LRP1B: variants seen among roughly 807,000 people sequenced by gnomAD.
LRP1B encodes the protein low-density lipoprotein receptor-related protein 1B.
Under a neutral mutation model 556.6 loss-of-function variants are expected in LRP1B, and 217 were observed. The ratio of observed to expected loss-of-function variants is 0.39; its 90% CI spans 0.35 to 0.44. LRP1B has a LOEUF of 0.44. Ranked by LOEUF, LRP1B falls within the 20% of genes least tolerant of loss-of-function variation. The probability of loss-of-function intolerance (pLI) is 1.00; values close to 1 mark genes in which losing one functional copy is unlikely to be tolerated. For synonymous variants in LRP1B, 2,047 were observed against 1,865.8 expected, an observed-to-expected ratio of 1.10 and a Z score of -2.50; for missense variants, 5,053 against 5,620.8, an observed-to-expected ratio of 0.90 and a Z score of 3.23.
intron 32 of LRP1B, among the ~76,000 whole-genome samples, chr2:140,794,173 G>A (rs1690217699): frequency 6.6e-6 from 1 of 151,998 alleles, no homozygotes; most frequent in Non-Finnish European, 1.5e-5. Flanking sequence ...TTTAAAAATT[G>A]TTTTAAAGAT....
At chr2:141,647,324 G>A (rs1224952057) in intron 2 of LRP1B, among the ~76,000 whole-genome samples, 1 of 152,132 alleles carries the variant, frequency 6.6e-6, no homozygotes, top group Non-Finnish European at 1.5e-5. Flanking sequence ...AGCAACCTTG[G>A]AAGCCAAGTG....
At chr2:141,305,034 T>C (rs1286371144) in intron 3 of LRP1B, among the ~76,000 whole-genome samples, 1 of 152,222 alleles carries the variant, frequency 6.6e-6, no homozygotes. Flanking sequence ...CCTACATTTT[T>C]GTTCTTTTTG....
At chr2:141,158,027 T>C (rs1025706481) in intron 7 of LRP1B, among the ~76,000 whole-genome samples, 1 of 152,190 alleles carries the variant, frequency 6.6e-6, no homozygotes, top group Non-Finnish European at 1.5e-5. Context: ...AAAGGTTTTT[T>C]AATGTGTTTA....
chr2:140,695,896 C>G (rs894626813), intron 41 of LRP1B, among the ~76,000 whole-genome samples: 1 of 152,106 alleles, frequency 6.6e-6, no homozygotes, highest in African/African-American at 2.4e-5. Flanking sequence ...TCTTTTAAAC[C>G]TGAGGCCAAA....
intron 3 of LRP1B, among the ~76,000 whole-genome samples, chr2:141,298,684 G>T (rs1462079041): frequency 6.6e-6 from 1 of 152,100 alleles, no homozygotes; most frequent in East Asian, 1.9e-4. Flanking sequence ...GCCAGGCGTG[G>T]TGGCTCACGC....
intron 3 of LRP1B, among the ~76,000 whole-genome samples, chr2:141,304,794 C>G (rs1686526211): frequency 6.6e-6 from 1 of 152,104 alleles, no homozygotes; most frequent in Admixed American, 6.6e-5. Context: ...AGGCACCACA[C>G]CCAGTCCAGT....
At chr2:142,050,703 A>C (rs1274297476) in intron 1 of LRP1B, among the ~76,000 whole-genome samples, 2 of 152,122 alleles carry the variant, frequency 1.3e-5, no homozygotes, top group African/African-American at 4.8e-5. Flanking sequence ...AGCTTATATG[A>C]AGTAAAACTC....
At chr2:140,937,376 A>T (rs1695260450) in intron 20 of LRP1B, among the ~76,000 whole-genome samples, 1 of 152,152 alleles carries the variant, frequency 6.6e-6, no homozygotes, top group Non-Finnish European at 1.5e-5. Flanking sequence ...GATTCCACTT[A>T]TATTAGATAC....
chr2:140,740,781 A>G (rs910197514), intron 35 of LRP1B, among the ~76,000 whole-genome samples: 1 of 152,054 alleles, frequency 6.6e-6, no homozygotes, highest in Non-Finnish European at 1.5e-5. Flanking sequence ...TCTTCTCCCT[A>G]TATCTTCATA....
intron 2 of LRP1B, among the ~76,000 whole-genome samples, chr2:141,693,990 T>C (rs1038450971): frequency 6.6e-6 from 1 of 151,980 alleles, no homozygotes; most frequent in Non-Finnish European, 1.5e-5. Flanking sequence ...GGAATTGGAG[T>C]GCAAATACCT....
At chr2:140,674,523 T>C (rs1685602188) in intron 41 of LRP1B, among the ~76,000 whole-genome samples, 1 of 152,216 alleles carries the variant, frequency 6.6e-6, no homozygotes, top group African/African-American at 2.4e-5. Context: ...AATTGAACTC[T>C]TTCAACAAAT....
Position 141,575,685 on chromosome 2 carries a change from C to T in LRP1B, c.206-95152G>A, listed in dbSNP as rs151092281. ...AGACAATCTACAGAATGAGAGAAAA[C>T]TTTTGCAATCTACTGATCTAAGGTC... On this transcript the variant is annotated intron_variant, in intron 2 of 90. Transcript: ENST00000389484. Among the ~76,000 whole-genome samples the T allele has an allele frequency of 3.3e-4, 49 of 149,994 alleles. No homozygotes were observed. In the East Asian group the frequency reaches 9.9e-3, roughly 30 times the overall value.
At chr2:141,183,525 T>C (rs1681103484) in intron 7 of LRP1B, among the ~76,000 whole-genome samples, 1 of 152,060 alleles carries the variant, frequency 6.6e-6, no homozygotes, top group Admixed American at 6.6e-5. Flanking sequence ...TTCACTCTCC[T>C]GTCTCCTGGC....
intron 7 of LRP1B, among the ~76,000 whole-genome samples, chr2:141,124,963 G>A (rs539703250): frequency 3.3e-5 from 5 of 152,094 alleles, no homozygotes; most frequent in Non-Finnish European, 7.4e-5. Context: ...TGGTGTGTCA[G>A]TCTAGTGAAC....
At chr2:141,374,284 T>C (rs1472047366) in intron 3 of LRP1B, among the ~76,000 whole-genome samples, 3 of 152,152 alleles carry the variant, frequency 2.0e-5, no homozygotes. Context: ...GACTAGATAC[T>C]TTTCTCTTGC....
intron 41 of LRP1B, among the ~76,000 whole-genome samples, chr2:140,613,818 C>T (rs1683166976): frequency 6.6e-6 from 1 of 152,084 alleles, no homozygotes; most frequent in African/African-American, 2.4e-5. Flanking sequence ...CTAGCCAATA[C>T]TTGATAATAG....
intron 21 of LRP1B, among the ~76,000 whole-genome samples, chr2:140,920,403 C>T (rs531499709): frequency 6.6e-6 from 1 of 152,054 alleles, no homozygotes; most frequent in South Asian, 2.1e-4. Context: ...ATTCTAATTA[C>T]CATATATAAA....
chr2:140,246,746 A>G (rs1468703317), intron 87 of LRP1B, among the ~76,000 whole-genome samples: 2 of 151,386 alleles, frequency 1.3e-5, no homozygotes, highest in African/African-American at 4.8e-5. Context: ...ACATGGAATT[A>G]TTTTTCTTCC....
At chr2:140,349,949 G>A (rs1573829306) in intron 77 of LRP1B, among the ~76,000 whole-genome samples, 2 of 152,208 alleles carry the variant, frequency 1.3e-5, no homozygotes, top group African/African-American at 4.8e-5. Context: ...ATGGATTTAT[G>A]TAGTTCAAGT....
Sources: gnomAD v4.1 joint callset for allele counts (sites outside exome capture counted in the v4.1 genomes callset) on GRCh38, gnomAD v4.1.1 for gene constraint, MANE v1.5 for transcripts, NCBI Gene and HGNC (gene_info 2026-07-23, HGNC 2026-07-21) for gene names.